Variants in MRTFB observed in about 807,000 individuals in gnomAD.
MRTFB encodes myocardin-related transcription factor B.
In MRTFB, 29 loss-of-function variants were observed where a neutral mutation model predicts 104.2. The ratio of observed to expected loss-of-function variants is 0.28; its 90% CI spans 0.21 to 0.38. The LOEUF (loss-of-function observed/expected upper bound fraction) is 0.38. Ranked by LOEUF, MRTFB falls within the 10% of genes least tolerant of loss-of-function variation. The pLI is 1.00. For synonymous variants in MRTFB, 535 were observed against 519.5 expected (o/e 1.03, Z -0.41); for missense variants, 1,270 against 1,341.6 (o/e 0.95, Z 0.83).
intron 10 of MRTFB, among the ~76,000 whole-genome samples, chr16:14,242,653 A>G (rs1021530577): frequency 6.6e-6 from 1 of 152,184 alleles, no homozygotes; most frequent in Non-Finnish European, 1.5e-5. Context: ...TTGTCTGCAC[A>G]ATGGGAGGTC....
intron 13 of MRTFB, among the ~76,000 whole-genome samples, chr16:14,251,052 T>A (rs2043231811): frequency 6.6e-6 from 1 of 152,138 alleles, no homozygotes; most frequent in Non-Finnish European, 1.5e-5. Flanking sequence ...AGCAGTGGCT[T>A]GGGATTATTA....
At position 14,259,533 on chromosome 16, in the gene MRTFB, A is replaced by G. The variant is rs541700678; in HGVS notation, c.2764+1372A>G. Among the ~76,000 whole-genome samples the G allele has an allele frequency of 4.7e-5, 7 of 149,730 alleles. No homozygotes were observed. The South Asian group carries it at 1.5e-3, about 32-fold the overall frequency. On this transcript the variant is annotated intron_variant, in intron 16 of 16. Transcript: ENST00000571589. ...CCCAGCACTTTGGGAGGCCACGGCA[A>G]GCGGATCACCTGAGGTCAGGAGTTC... is the stretch of plus-strand genomic sequence containing the variant.
chr16:14,174,422 C>G (rs1043997067), intron 3 of MRTFB, among the ~76,000 whole-genome samples: 2 of 152,166 alleles, frequency 1.3e-5, no homozygotes, highest in Non-Finnish European at 2.9e-5. Context: ...TTGGCTTACG[C>G]TTGTAATCCC....
intron 3 of MRTFB, among the ~76,000 whole-genome samples, chr16:14,206,379 T>C (rs1403105179): frequency 2.6e-5 from 4 of 152,222 alleles, no homozygotes; most frequent in Non-Finnish European, 5.9e-5. Context: ...CTGTGACTTA[T>C]ACATTAATTT....
At chr16:14,206,201 A>G (rs1383613205) in intron 3 of MRTFB, among the ~76,000 whole-genome samples, 1 of 152,164 alleles carries the variant, frequency 6.6e-6, no homozygotes, top group African/African-American at 2.4e-5. Flanking sequence ...TGCCTCTCTG[A>G]TCATTAGAAG....
chr16:14,113,378 C>G (rs922508446), intron 2 of MRTFB, among the ~76,000 whole-genome samples: 3 of 152,198 alleles, frequency 2.0e-5, no homozygotes, highest in Non-Finnish European at 4.4e-5. Context: ...TTTCCCTACA[C>G]CTAGCAGAGA....
At chr16:14,132,259 G>T (rs8063151) in intron 2 of MRTFB, among the ~76,000 whole-genome samples, 29,908 of 151,672 alleles carry the variant, frequency 0.2, 4,977 homozygotes, top group African/African-American at 0.44. Flanking sequence ...ATTAGTGGTT[G>T]CCAGGGTCTG....
the MRTFB span, among the ~76,000 whole-genome samples, chr16:14,064,689 A>C: frequency 3.3e-5 from 5 of 152,178 alleles, no homozygotes; most frequent in African/African-American, 1.2e-4. Context: ...CTAGCCAGTT[A>C]TCATGGCACC....
chr16:14,048,205 C>G, the MRTFB span, among the ~76,000 whole-genome samples: 8 of 152,326 alleles, frequency 5.3e-5, no homozygotes, highest in East Asian at 1.3e-3. Context: ...CCAGGTCTCA[C>G]TGATGCAAGA....
At chr16:14,053,995 T>C in the MRTFB span, among the ~76,000 whole-genome samples, 4 of 152,174 alleles carry the variant, frequency 2.6e-5, no homozygotes, top group African/African-American at 4.8e-5. Flanking sequence ...TGAGGTCGTG[T>C]GCTAGTTCGT....
At position 14,165,665 on chromosome 16, in the gene MRTFB, C is replaced by A. The variant is rs76714742; in HGVS notation, c.154+24905C>A. On this transcript the variant is annotated intron_variant, in intron 3 of 16. Transcript: ENST00000571589. ...CTGTCCTCCCCTTTCCCCATCTCAT[C>A]CCTACAACCTTGTTCATGTGACACC... 7.5e-3 allele frequency among the ~76,000 whole-genome samples: 1,139 copies of A among 152,336 alleles called. 11 individuals are homozygous for A. The highest frequency in any genetic ancestry group is 0.011 in the Non-Finnish European group (718 of 68,024).
chr16:14,241,094 G>A, intron 10 of MRTFB: 2 of 344,800 alleles, frequency 5.8e-6, no homozygotes, highest in East Asian at 5.6e-5. Flanking sequence ...ACTTGAAGCT[G>A]GGCAGAAGAC....
At chr16:14,116,939 G>T (rs530797778) in intron 2 of MRTFB, among the ~76,000 whole-genome samples, 3 of 152,236 alleles carry the variant, frequency 2.0e-5, no homozygotes, top group Non-Finnish European at 2.9e-5. Context: ...TATACATATT[G>T]AATTAAATTA....
chr16:14,058,345 G>A, the MRTFB span, among the ~76,000 whole-genome samples: 2 of 152,030 alleles, frequency 1.3e-5, no homozygotes, highest in Admixed American at 6.6e-5. Flanking sequence ...GTAGCTACAA[G>A]GGCATGCTCC....
chr16:14,223,929 A>G (rs775390981), intron 8 of MRTFB, among the ~76,000 whole-genome samples: 1 of 152,212 alleles, frequency 6.6e-6, no homozygotes, highest in Non-Finnish European at 1.5e-5. Context: ...TCACACCACT[A>G]TAAAGAACTA....
chr16:14,225,780 C>T (rs950948176), intron 8 of MRTFB, among the ~76,000 whole-genome samples: 3 of 152,198 alleles, frequency 2.0e-5, no homozygotes, highest in Admixed American at 6.5e-5. Context: ...CTGCCCACCT[C>T]AGCCTCCCAG....
chr16:14,207,161 C>A (rs1191037085), intron 3 of MRTFB, among the ~76,000 whole-genome samples: 1 of 152,156 alleles, frequency 6.6e-6, no homozygotes, highest in African/African-American at 2.4e-5. Context: ...GCCACAGCTG[C>A]TTTGAATAAT....
At position 14,157,891 on chromosome 16, in the gene MRTFB, A is replaced by G. The variant is rs141797245; in HGVS notation, c.154+17131A>G. ...TGTACTTTAGAATATATCATATTCT[A>G]TTTTTATCAAATGACTTTTATATAT... On this transcript the variant is annotated intron_variant, in intron 3 of 16. Transcript: ENST00000571589. Among the ~76,000 whole-genome samples the G allele has an allele frequency of 2.1e-4, 30 of 145,920 alleles. No individual in the cohort carries two copies. In the East Asian group the frequency reaches 5.6e-3, roughly 27 times the overall value.
chr16:14,241,964 C>CAATAAT (rs34609591), intron 10 of MRTFB, among the ~76,000 whole-genome samples: 1,902 of 138,554 alleles, frequency 0.014, 17 homozygotes, highest in East Asian at 0.027. Context: ...CATTGGGCAC[C>CAATAAT]AATAATAATA....
Sources: gnomAD v4.1 joint callset for allele counts (sites outside exome capture counted in the v4.1 genomes callset) on GRCh38, gnomAD v4.1.1 for gene constraint, MANE v1.5 for transcripts, NCBI Gene and HGNC (gene_info 2026-07-23, HGNC 2026-07-21) for gene names.